UGT2B7: variants seen among roughly 807,000 people sequenced by gnomAD.
UGT2B7 encodes UDP glucuronosyltransferase family 2 member B7.
A neutral mutation model predicts 51.9 loss-of-function variants in UGT2B7; 51 were observed. The observed-to-expected ratio is 0.98, with a 90% CI of 0.78 to 1.24. The LOEUF is 1.24. Among genes scored for constraint, UGT2B7 ranks in the 50% most tolerant of loss-of-function variants. The pLI is 0.00. For missense variants in UGT2B7, 727 were observed against 628.4 expected, an observed-to-expected ratio of 1.16 and a Z score of -1.68; for synonymous variants, 225 against 211.6, an observed-to-expected ratio of 1.06 and a Z score of -0.55.
At chr4:69,087,594 C>A (rs1718991034) in intron 1 of UGT2B7, among the ~76,000 whole-genome samples, 1 of 151,860 alleles carries the variant, frequency 6.6e-6, no homozygotes, top group Non-Finnish European at 1.5e-5. Context: ...TAAAACAATT[C>A]TCCTTTGTAT....
chr4:69,059,637 G>C (rs1441255260), intron 1 of UGT2B7, among the ~76,000 whole-genome samples: 1 of 104,036 alleles, frequency 9.6e-6, no homozygotes, highest in Non-Finnish European at 1.8e-5. Flanking sequence ...TGGTGGTAGA[G>C]TTAAAATCCA....
At chr4:69,062,452 CTT>C (rs1718369021) in intron 1 of UGT2B7, among the ~76,000 whole-genome samples, 1 of 152,172 alleles carries the variant, frequency 6.6e-6, no homozygotes, top group African/African-American at 2.4e-5. Flanking sequence ...AACCTGAAGA[CTT>C]TGTTTAGGTT....
rs1392179428 is a variant in UGT2B7 at position 69,096,995 on chromosome 4, C to A, written c.475C>A (p.Leu159Met). The stretch of plus-strand genomic sequence containing the variant: ...AGATGCTATTTTTCCCTGTAGTGAG[C>A]TGCTGGCTGAGCTATTTAACATACC... Reference protein sequence around the residue: ...FADAIFPCSELLAELFNIPFV... With the variant: ...FADAIFPCSEMLAELFNIPFV... The change falls in exon 1 of 6, where the codon CTG becomes ATG. Residue 159 changes from leucine (L) to methionine (M), a missense_variant. Physicochemically the swap from Leu to Met is conservative, Grantham distance 15 (BLOSUM62 2). Coordinates refer to ENST00000305231, the MANE Select transcript of UGT2B7 (RefSeq NM_001074.4). 1 of 1,613,668 alleles carries A rather than the reference C, an allele frequency of 6.2e-7. No homozygotes were observed. The highest frequency in any genetic ancestry group is 1.3e-5 in the African/African-American group (1 of 74,900).
intron 2 of UGT2B7, among the ~76,000 whole-genome samples, chr4:69,102,515 T>A (rs1342872665): frequency 6.6e-6 from 1 of 152,128 alleles, no homozygotes; most frequent in Non-Finnish European, 1.5e-5. Context: ...TTTAACATTA[T>A]CTCCCTGACA....
chr4:69,079,892 T>G (rs1701977657), intron 1 of UGT2B7, among the ~76,000 whole-genome samples: 1 of 152,184 alleles, frequency 6.6e-6, no homozygotes, highest in South Asian at 2.1e-4. Flanking sequence ...ACAGCTATAC[T>G]GTAATCCTAG....
At chr4:69,078,052 T>G (rs978145747) in intron 1 of UGT2B7, among the ~76,000 whole-genome samples, 2 of 152,082 alleles carry the variant, frequency 1.3e-5, no homozygotes, top group African/African-American at 4.8e-5. Context: ...TTTTTTTGGT[T>G]TGTTTTTTGT....
chr4:69,076,083 T>C (rs1718697792), intron 1 of UGT2B7, among the ~76,000 whole-genome samples: 1 of 152,182 alleles, frequency 6.6e-6, no homozygotes, highest in Admixed American at 6.5e-5. Context: ...TCCAGCTTCA[T>C]CCATGTCCCT....
chr4:69,088,355 T>TTC (rs1719007385), intron 1 of UGT2B7, among the ~76,000 whole-genome samples: 1 of 151,964 alleles, frequency 6.6e-6, no homozygotes, highest in African/African-American at 2.4e-5. Flanking sequence ...TGTGTTTTTT[T>TTC]CAACTCTCTA....
intron 1 of UGT2B7, among the ~76,000 whole-genome samples, chr4:69,073,128 A>G (rs1718634849): frequency 6.6e-6 from 1 of 152,102 alleles, no homozygotes; most frequent in East Asian, 1.9e-4. Flanking sequence ...GCTAGCTCAG[A>G]CTTGGTTAGA....
At chr4:69,099,587 A>C (rs1719361715) in intron 2 of UGT2B7, among the ~76,000 whole-genome samples, 1 of 152,010 alleles carries the variant, frequency 6.6e-6, no homozygotes, top group Admixed American at 6.6e-5. Flanking sequence ...AGTCGACTAG[A>C]AAGTTGATAG....
chr4:69,112,320 A>T (rs1254917320), intron 5 of UGT2B7, 137 bp from the exon 6 acceptor site: 77 of 1,248,042 alleles, frequency 6.2e-5, no homozygotes, highest in Non-Finnish European at 7.6e-5. Context: ...TTGCTCACTC[A>T]GGGAGTTCAG....
intron 1 of UGT2B7, among the ~76,000 whole-genome samples, chr4:69,079,703 G>A (rs1230356341): frequency 2.6e-5 from 4 of 152,004 alleles, no homozygotes; most frequent in East Asian, 3.9e-4. Context: ...AATCATTGTA[G>A]TCACGAAATC....
At chr4:69,053,022 C>T (rs12507556) in intron 1 of UGT2B7, among the ~76,000 whole-genome samples, 21,782 of 151,872 alleles carry the variant, frequency 0.14, 1,832 homozygotes, top group Admixed American at 0.25. Context: ...AGTTTTTCTG[C>T]GAACTAGACA....
rs568501128 is a variant in UGT2B7 at position 69,060,621 on chromosome 4, C to T, written c.-159+9019C>T. On this transcript the variant is annotated intron_variant, in intron 1 of 5. Coordinates refer to the UGT2B7 transcript ENST00000502942. ...CTCAAGCCATAGGATTGTGGCATCA[C>T]CCGGTGGCATACCTATCCAGGCAAT... 5.9e-5 allele frequency among the ~76,000 whole-genome samples: 9 copies of T among 152,338 alleles called. No individual in the cohort carries two copies. In the South Asian group the frequency reaches 1.7e-3, roughly 28 times the overall value.
chr4:69,069,447 C>G (rs866465546), intron 1 of UGT2B7, among the ~76,000 whole-genome samples: 1 of 151,994 alleles, frequency 6.6e-6, no homozygotes, highest in Admixed American at 6.6e-5. Context: ...ATTATCTCTT[C>G]ACATCTTGAA....
At chr4:69,084,716 T>G (rs1051088021) in intron 1 of UGT2B7, among the ~76,000 whole-genome samples, 2 of 152,072 alleles carry the variant, frequency 1.3e-5, no homozygotes, top group Non-Finnish European at 1.5e-5. Flanking sequence ...AAACATGAAG[T>G]GTTTGGTTTT....
intron 1 of UGT2B7, among the ~76,000 whole-genome samples, chr4:69,069,357 G>T (rs189345775): frequency 3.3e-5 from 5 of 151,574 alleles, no homozygotes; most frequent in Non-Finnish European, 5.9e-5. Context: ...TTCAATCTCT[G>T]TACTCTCAAT....
At chr4:69,097,264 A>G (rs1412122609) in intron 1 of UGT2B7, 23 bp downstream of exon 1, 1 of 1,596,336 alleles carries the variant, frequency 6.3e-7, no homozygotes, top group East Asian at 2.2e-5. Context: ...TTCAATCAGT[A>G]ACATGAAGCT....
intron 1 of UGT2B7, among the ~76,000 whole-genome samples, chr4:69,074,907 G>A (rs1027086617): frequency 1.3e-5 from 2 of 152,038 alleles, no homozygotes; most frequent in African/African-American, 4.8e-5. Context: ...ATGTATATGT[G>A]TCTGGAGCAG....
Sources: gnomAD v4.1 joint callset for allele counts (sites outside exome capture counted in the v4.1 genomes callset) on GRCh38, gnomAD v4.1.1 for gene constraint, MANE v1.5 for transcripts, NCBI Gene and HGNC (gene_info 2026-07-23, HGNC 2026-07-21) for gene names.